TMEM108: variants seen among roughly 807,000 people sequenced by gnomAD.
The protein encoded by TMEM108 is transmembrane protein 108.
A neutral mutation model predicts 35.1 loss-of-function variants in TMEM108; 12 were observed. The observed-to-expected ratio is 0.34, with a 90% CI of 0.22 to 0.55. TMEM108 has a LOEUF of 0.55. TMEM108 is among the 20% of genes least tolerant of loss of function. The probability of loss-of-function intolerance (pLI) is 0.89; values close to 1 mark genes in which losing one functional copy is unlikely to be tolerated. For missense variants in TMEM108, 680 were observed against 753.3 expected (o/e 0.90, Z 1.14); for synonymous variants, 287 against 308.6 (o/e 0.93, Z 0.73).
At chr3:133,382,569 C>T (rs183996323) in intron 4 of TMEM108, among the ~76,000 whole-genome samples, 50 of 152,314 alleles carry the variant, frequency 3.3e-4, no homozygotes, top group African/African-American at 1.2e-3. Flanking sequence ...CGATGGTGGA[C>T]TCTTTCTTTA....
chr3:133,120,912 G>T (rs1944344349), intron 2 of TMEM108: 1 of 152,156 alleles, frequency 6.6e-6, no homozygotes, highest in Non-Finnish European at 1.5e-5. Flanking sequence ...GGATATATTT[G>T]TGTAACACAA....
intron 2 of TMEM108, among the ~76,000 whole-genome samples, chr3:133,142,800 C>A (rs1039337374): frequency 1.3e-5 from 2 of 152,172 alleles, no homozygotes; most frequent in African/African-American, 4.8e-5. Context: ...ATTAAGTTCT[C>A]ACTATGTTCC....
At chr3:133,300,126 T>C (rs922970399) in intron 3 of TMEM108, among the ~76,000 whole-genome samples, 2 of 152,124 alleles carry the variant, frequency 1.3e-5, no homozygotes, top group African/African-American at 4.8e-5. Flanking sequence ...TATCAAGCAT[T>C]GAAAGCCTCC....
intron 2 of TMEM108, among the ~76,000 whole-genome samples, chr3:133,121,276 G>A (rs1256194233): frequency 6.6e-6 from 1 of 152,214 alleles, no homozygotes; most frequent in African/African-American, 2.4e-5. Flanking sequence ...ATGGAGGAGT[G>A]TTATAATAGA....
chr3:133,390,037 ACT>A lies in TMEM108; in HGVS notation c.1451-142_1451-141del, dbSNP rs149159700. 5.4e-3 allele frequency: 5,312 copies of A among 984,618 alleles called. 111 individuals are homozygous for A. In the African/African-American group the frequency reaches 0.054, roughly 10 times the overall value. 61.0% of individuals were successfully genotyped at this position (984,618 alleles called of 1,614,324 possible). A position where few individuals can be genotyped will look rare whatever the true frequency, so the allele number is the denominator to read the frequency against. ...AAGGTCTTCTGTGGAATTAAGGCTC[ACT>A]TTGTACAGTTCACCATGCCCTGCCC... On this transcript the variant is annotated intron_variant, in intron 4 of 5. Coordinates refer to ENST00000321871, the MANE Select transcript of TMEM108 (RefSeq NM_023943.4).
At chr3:133,248,788 A>G (rs974275759) in intron 3 of TMEM108, among the ~76,000 whole-genome samples, 2 of 152,178 alleles carry the variant, frequency 1.3e-5, no homozygotes, top group Admixed American at 6.5e-5. Flanking sequence ...TGGTTGTGCC[A>G]TCCTTATGGC....
intron 3 of TMEM108, among the ~76,000 whole-genome samples, chr3:133,328,920 C>G (rs1252113561): frequency 6.6e-6 from 1 of 152,124 alleles, no homozygotes; most frequent in Non-Finnish European, 1.5e-5. Flanking sequence ...TTATTCACTG[C>G]TCTCTTTTCA....
intron 3 of TMEM108, among the ~76,000 whole-genome samples, chr3:133,312,816 C>T (rs371275474): frequency 5.1e-4 from 78 of 152,328 alleles, no homozygotes; most frequent in African/African-American, 1.7e-3. Flanking sequence ...GCATCGATCA[C>T]GCTGGGAGCT....
intron 4 of TMEM108, 122 bp from the exon 5 acceptor site, chr3:133,390,058 C>A (rs1485261731): frequency 6.6e-6 from 8 of 1,206,226 alleles, no homozygotes; most frequent in South Asian, 5.6e-5. Flanking sequence ...TTCACCATGC[C>A]CTGCCCCTTT....
intron 3 of TMEM108, among the ~76,000 whole-genome samples, chr3:133,328,341 T>C (rs1576458309): frequency 6.6e-6 from 1 of 152,206 alleles, no homozygotes; most frequent in Non-Finnish European, 1.5e-5. Flanking sequence ...AAAAAAACTC[T>C]AAGCCTGTCA....
chr3:133,297,061 G>A (rs183562471), intron 3 of TMEM108, among the ~76,000 whole-genome samples: 12 of 152,300 alleles, frequency 7.9e-5, no homozygotes, highest in South Asian at 2.1e-4. Flanking sequence ...AAGGAGGTCC[G>A]AACAATATCA....
At chr3:133,236,658 T>G (rs925530111) in intron 3 of TMEM108, among the ~76,000 whole-genome samples, 2 of 152,120 alleles carry the variant, frequency 1.3e-5, no homozygotes, top group Non-Finnish European at 2.9e-5. Flanking sequence ...AGAACTCTCT[T>G]TGGTGCCTTT....
chr3:133,140,911 C>T (rs943597330), intron 2 of TMEM108, among the ~76,000 whole-genome samples: 1 of 152,076 alleles, frequency 6.6e-6, no homozygotes, highest in Non-Finnish European at 1.5e-5. Flanking sequence ...ACATGCCCCT[C>T]TCCTTCAAAT....
intron 2 of TMEM108, among the ~76,000 whole-genome samples, chr3:133,178,662 G>C (rs1945278335): frequency 6.6e-6 from 1 of 152,130 alleles, no homozygotes; most frequent in African/African-American, 2.4e-5. Flanking sequence ...ATTAATCCAA[G>C]GTGGATTAAA....
intron 4 of TMEM108, chr3:133,386,450 CT>C: frequency 6.5e-7 from 1 of 1,536,122 alleles, no homozygotes; most frequent in Non-Finnish European, 8.7e-7. Context: ...AAAGCATGCC[CT>C]TCCACAAATG....
intron 2 of TMEM108, among the ~76,000 whole-genome samples, chr3:133,141,111 G>A (rs1258394787): frequency 1.3e-5 from 2 of 152,170 alleles, no homozygotes; most frequent in Admixed American, 6.5e-5. Flanking sequence ...TACCATTTAA[G>A]GGGTAAAGTT....
At chr3:133,378,147 G>C (rs2072897863) in intron 3 of TMEM108, among the ~76,000 whole-genome samples, 1 of 152,184 alleles carries the variant, frequency 6.6e-6, no homozygotes, top group African/African-American at 2.4e-5. Flanking sequence ...GCAAATTTTT[G>C]GTCCTAGAGT....
intron 3 of TMEM108, among the ~76,000 whole-genome samples, chr3:133,263,755 C>T (rs1185768589): frequency 4.6e-5 from 7 of 152,174 alleles, no homozygotes; most frequent in Non-Finnish European, 5.9e-5. Flanking sequence ...AGTCAGTCTG[C>T]CATGCTGTCT....
chr3:133,264,081 G>A (rs1946662224), intron 3 of TMEM108, among the ~76,000 whole-genome samples: 1 of 152,122 alleles, frequency 6.6e-6, no homozygotes. Flanking sequence ...CAAGGCAGGA[G>A]GATCGCTTGA....
Sources: gnomAD v4.1 joint callset for allele counts (sites outside exome capture counted in the v4.1 genomes callset) on GRCh38, gnomAD v4.1.1 for gene constraint, MANE v1.5 for transcripts, NCBI Gene and HGNC (gene_info 2026-07-23, HGNC 2026-07-21) for gene names.